Variants in ZNF217 observed in about 807,000 individuals in gnomAD.
The protein encoded by ZNF217 is zinc finger protein 217.
A neutral mutation model predicts 73.3 loss-of-function variants in ZNF217; 12 were observed. The ratio of observed to expected loss-of-function variants is 0.16; its 90% CI spans 0.10 to 0.27. The LOEUF is 0.27. ZNF217 is among the 10% of genes least tolerant of loss of function. The pLI is 1.00. For missense variants in ZNF217, 1,195 were observed against 1,327.8 expected (o/e 0.90, Z 1.55); for synonymous variants, 588 against 516.4 (o/e 1.14, Z -1.88).
rs1424445303 is a variant in ZNF217 at position 53,569,241 on chromosome 20, G to A, written c.*47C>T. On this transcript the variant is annotated 3_prime_UTR_variant, in exon 6 of 6. Coordinates refer to ENST00000371471, the MANE Select transcript of ZNF217 (RefSeq NM_006526.3). ...GAAGTAAAATTTAATTTCATGGGGA[G>A]TAAGCACTGACATCCACCAAGACCT... 7.4e-7 allele frequency: 1 copy of A among 1,348,642 alleles called. No individual in the cohort carries two copies. Among genetic ancestry groups the A allele is most frequent in the East Asian group, 4.6e-5 (1 of 21,734 alleles). The allele number at this position is 1,348,642 out of a possible 1,614,324, so 83.5% of individuals were successfully genotyped here.
In ZNF217 at chr20:53,569,011, T is replaced by A; in HGVS notation, c.*277A>T. 2.5e-6 allele frequency: 2 copies of A among 791,978 alleles called. No individual in the cohort carries two copies. Among genetic ancestry groups the A allele is most frequent in the Non-Finnish European group, 3.0e-6 (2 of 656,114 alleles). The allele number at this position is 791,978 out of a possible 1,614,324, so 49.1% of individuals were successfully genotyped here. A position where few individuals can be genotyped will look rare whatever the true frequency, so the allele number is the denominator to read the frequency against. On this transcript the variant is annotated 3_prime_UTR_variant, in exon 6 of 6. Coordinates refer to ENST00000371471, the MANE Select transcript of ZNF217 (RefSeq NM_006526.3). ...CTTATTTGGTCAATTCTAAGAAAAA[T>A]ATTATTCAGGGACAAAATAGAGATT...
chr20:53,576,555 G>C lies in ZNF217; in HGVS notation c.2209C>G (p.Pro737Ala). 6.2e-7 allele frequency: 1 copy of C among 1,614,212 alleles called. No homozygotes were observed. The highest frequency in any genetic ancestry group is 8.5e-7 in the Non-Finnish European group (1 of 1,180,040). Residue 737 changes from proline to alanine, a missense_variant, in exon 4 of 6, where the codon CCT becomes GCT. This residue lies in a region of ZNF217 where 649 missense variants were observed against 642.8 expected (regional missense o/e 1.01). Coordinates refer to ENST00000371471, the MANE Select transcript of ZNF217 (RefSeq NM_006526.3). ...MHQRLEHKYN[P>A]DVHKNCRNKS... ...TTTCGACAGTTTTTATGAACGTCAG[G>C]ATTGTATTTATGCTCCAGTCTCTGG...
At chr20:53,584,588 G>A (rs1988621541) in intron 1 of ZNF217, among the ~76,000 whole-genome samples, 1 of 152,184 alleles carries the variant, frequency 6.6e-6, no homozygotes, top group Admixed American at 6.5e-5. Context: ...TGATATAATA[G>A]AACACTCCAG....
At chr20:53,571,487 C>T (rs371952692) in intron 5 of ZNF217, among the ~76,000 whole-genome samples, 17 of 148,124 alleles carry the variant, frequency 1.1e-4, no homozygotes, top group African/African-American at 4.0e-4. Flanking sequence ...CTGCAACCTC[C>T]GCCTCCTGGG....
In ZNF217 at chr20:53,576,541, T is replaced by A; in HGVS notation, c.2223A>T (p.Lys741Asn). Residue 741 changes from lysine to asparagine, a missense_variant, in exon 4 of 6, where the codon AAA (lysine) becomes AAT (asparagine). Transcript: ENST00000371471. ...TAAGCAAGGACTTGTTTCGACAGTTTTTATGAACGTCAGGATTGTATTTAT... is the reference window on the plus strand; with the variant it reads ...TAAGCAAGGACTTGTTTCGACAGTTATTATGAACGTCAGGATTGTATTTAT... ...LEHKYNPDVH[K>N]NCRNKSLLRS... 6.2e-7 allele frequency: 1 copy of A among 1,614,238 alleles called. No individual in the cohort carries two copies. The highest frequency in any genetic ancestry group is 1.1e-5 in the South Asian group (1 of 91,090).
At chr20:53,579,233 A>T (rs896901704) in intron 2 of ZNF217, among the ~76,000 whole-genome samples, 4 of 152,228 alleles carry the variant, frequency 2.6e-5, no homozygotes, top group African/African-American at 9.6e-5. Context: ...GCCCTCCAAA[A>T]GACAATCAGA....
At chr20:53,594,356 T>G (rs1308208448), upstream of ZNF217, among the ~76,000 whole-genome samples, 2 of 73,274 alleles carry the variant, frequency 2.7e-5, no homozygotes, top group Non-Finnish European at 5.6e-5. Context: ...GCCCCCTGCC[T>G]TCACCGGCCG....
upstream of ZNF217, among the ~76,000 whole-genome samples, chr20:53,594,384 C>G (rs1290791709): frequency 6.7e-6 from 1 of 149,510 alleles, no homozygotes; most frequent in African/African-American, 2.4e-5. Context: ...ACGCCCCACA[C>G]CGCCCCGGCC....
Position 53,575,924 on chromosome 20 carries a change from A to G in ZNF217, c.2840T>C (p.Met947Thr), listed in dbSNP as rs1301296410. Residue 947 changes from methionine to threonine, a missense_variant, in exon 4 of 6, where the codon ATG becomes ACG. By Grantham distance (81) the Met-to-Thr change is moderately conservative. Coordinates refer to ENST00000371471, the MANE Select transcript of ZNF217 (RefSeq NM_006526.3). The part of the protein sequence containing the change: ...RRGYDLPKYH[M>T]VRGITSLLPQ... ...TAACAGTGATGTGATGCCTCTGACC[A>G]TATGGTACTTGGGAAGGTCATAGCC... 1.2e-6 allele frequency: 2 copies of G among 1,614,176 alleles called. No individual in the cohort carries two copies. The highest frequency in any genetic ancestry group is 1.1e-5 in the South Asian group (1 of 91,086).
At chr20:53,593,214 T>A (rs1273738039) in intron 1 of ZNF217, among the ~76,000 whole-genome samples, 1 of 151,866 alleles carries the variant, frequency 6.6e-6, no homozygotes, top group African/African-American at 2.4e-5. Context: ...AGAGGCGCCC[T>A]CCGCCCGGCC....
chr20:53,589,661 C>T (rs1988815247), intron 1 of ZNF217, among the ~76,000 whole-genome samples: 1 of 152,186 alleles, frequency 6.6e-6, no homozygotes, highest in South Asian at 2.1e-4. Context: ...AATTCAAAAA[C>T]CTTTGCCCCA....
intron 4 of ZNF217, 76 bp downstream of exon 4, chr20:53,575,651 T>A (rs1988224315): frequency 7.2e-7 from 1 of 1,381,596 alleles, no homozygotes; most frequent in Admixed American, 2.6e-5. Flanking sequence ...AGTGGTACCA[T>A]CTCCACTGAG....
At chr20:53,577,323 G>T in intron 3 of ZNF217, 43 bp from the exon 4 acceptor site, 1 of 1,514,086 alleles carries the variant, frequency 6.6e-7, no homozygotes, top group Non-Finnish European at 8.9e-7. Context: ...TGTATGAAAA[G>T]CACTGAAATA....
Position 53,575,791 on chromosome 20 carries a change from A to G in ZNF217, c.2973T>C (p.Gly991=). The part of the protein sequence containing the change: ...PNVLTVQKPY[G]GSGPLYTCVP... ...CACAAGTGTAAAGTGGCCCGGAGCC[A>G]CCATAGGGCTTCTGAACAGTCAGCA... Residue 991 remains glycine, a synonymous_variant, in exon 4 of 6, where the codon GGT becomes GGC. Transcript: ENST00000371471. 1.2e-6 allele frequency: 2 copies of G among 1,613,018 alleles called. No homozygotes were observed. The highest frequency in any genetic ancestry group is 1.7e-6 in the Non-Finnish European group (2 of 1,179,512).
At chr20:53,594,362 GGCCGCCCGGCCACGCCCCAC>G (rs1318598057), upstream of ZNF217, among the ~76,000 whole-genome samples, 1 of 69,794 alleles carries the variant, frequency 1.4e-5, no homozygotes, top group Admixed American at 1.7e-4. Flanking sequence ...TGCCTTCACC[GGCCGCCCGGCCACGCCCCAC>G]ACCGCCCCGG....
rs1987806344 is a variant in ZNF217 at position 53,567,747 on chromosome 20, C to G, written c.*1541G>C. On this transcript the variant is annotated 3_prime_UTR_variant, in exon 6 of 6. Transcript: ENST00000371471. ...TGATACAAAGCACTTCATTGCAATG[C>G]CAACAGACTGATCTCAAATGAGTTC... is the stretch of plus-strand genomic sequence containing the variant. 6.6e-6 allele frequency: 1 copy of G among 152,504 alleles called. No individual in the cohort carries two copies. Among genetic ancestry groups the G allele is most frequent in the Non-Finnish European group, 1.5e-5 (1 of 68,024 alleles). The allele number at this position is 152,504 out of a possible 1,614,324, so 9.4% of individuals were successfully genotyped here.
At chr20:53,592,853 AAAAG>A (rs1000322665) in intron 1 of ZNF217, among the ~76,000 whole-genome samples, 7 of 150,534 alleles carry the variant, frequency 4.7e-5, no homozygotes, top group African/African-American at 7.3e-5. Context: ...AAAAAAAAAG[AAAAG>A]AAAAAAAAAA....
In ZNF217 at chr20:53,573,153, C is replaced by T. The variant is rs532493365; in HGVS notation, c.3038-1300G>A. On this transcript the variant is annotated intron_variant, in intron 4 of 5. Transcript: ENST00000371471. ...TTTTTTTTTTTTTGAGATGGAGTCTCGCTCTGTCGCCCAGGCTGGAGTGCA... is the reference window on the plus strand; with the variant it reads ...TTTTTTTTTTTTTGAGATGGAGTCTTGCTCTGTCGCCCAGGCTGGAGTGCA... Among the ~76,000 whole-genome samples, 7 of 149,268 alleles carry T rather than the reference C, an allele frequency of 4.7e-5. No homozygotes were observed. The East Asian group carries it at 1.4e-3, about 29-fold the overall frequency.
upstream of ZNF217, among the ~76,000 whole-genome samples, chr20:53,594,310 G>T (rs1284746603): frequency 4.0e-5 from 6 of 150,274 alleles, no homozygotes; most frequent in Non-Finnish European, 1.5e-5. Flanking sequence ...CCCGCCGCTC[G>T]GAGACGCCCC....
Sources: allele counts gnomAD v4.1 joint callset (sites outside exome capture counted in the v4.1 genomes callset), GRCh38; gene constraint gnomAD v4.1.1; regional missense constraint gnomAD v4.1.1; transcripts MANE v1.5; gene names NCBI Gene and HGNC (gene_info 2026-07-23, HGNC 2026-07-21).